ZNF599: variants seen among roughly 807,000 people sequenced by gnomAD.
ZNF599 encodes zinc finger protein 599.
In ZNF599, 10 loss-of-function variants were observed where a neutral mutation model predicts 11.7. That is an observed-to-expected ratio of 0.86 (90% CI 0.53 to 1.45). The LOEUF is 1.45. Ranked by LOEUF, ZNF599 falls within the 40% of genes most tolerant of loss-of-function variation. The pLI, the probability that ZNF599 is intolerant of heterozygous loss-of-function variation, is 0.00. For synonymous variants in ZNF599, 232 were observed against 253.2 expected (o/e 0.92, Z 0.79); for missense variants, 688 against 713.6 (o/e 0.96, Z 0.41).
chr19:34,800,888 C>T, the ZNF599 span, among the ~76,000 whole-genome samples: 101 of 152,162 alleles, frequency 6.6e-4, no homozygotes, highest in African/African-American at 2.2e-3. Context: ...AGACACCATG[C>T]GCCTGGCTTC....
At chr19:34,777,509 T>C (rs185817118), upstream of ZNF599, among the ~76,000 whole-genome samples, 20 of 112,190 alleles carry the variant, frequency 1.8e-4, no homozygotes, top group South Asian at 7.1e-4. Flanking sequence ...ATTAATATAT[T>C]ATATATTAAT....
chr19:34,774,610 G>C (rs1379301731), upstream of ZNF599, among the ~76,000 whole-genome samples: 1 of 152,226 alleles, frequency 6.6e-6, no homozygotes, highest in African/African-American at 2.4e-5. Context: ...AGGATGTGCT[G>C]TCCTCCAGAG....
rs969773795 is a variant in ZNF599, at chr19:34,758,367, G to T, written c.*667C>A. ...ATGTGTACATGTGCACATGTGTTAA[G>T]TATTTCATGACTCAAGCCTTTATAT... On this transcript the variant is annotated 3_prime_UTR_variant, in exon 4 of 4. Transcript: ENST00000329285. 1 of 152,328 alleles carries T rather than the reference G, an allele frequency of 6.6e-6. No individual in the cohort carries two copies. Among genetic ancestry groups the T allele is most frequent in the South Asian group, 2.1e-4 (1 of 4,826 alleles). The allele number at this position is 152,328 out of a possible 1,614,324, so 9.4% of individuals were successfully genotyped here. A position where few individuals can be genotyped will look rare whatever the true frequency, so the allele number is the denominator to read the frequency against.
chr19:34,797,784 A>G, the ZNF599 span, among the ~76,000 whole-genome samples: 1 of 152,248 alleles, frequency 6.6e-6, no homozygotes. Context: ...TTGCAGCAAA[A>G]GCTGATTGCA....
rs768941725 is a variant in ZNF599, at chr19:34,760,423, C to G, written c.378G>C (p.Lys126Asn). 13 of 1,614,000 alleles carry G rather than the reference C, an allele frequency of 8.1e-6. No individual in the cohort carries two copies. Among genetic ancestry groups the G allele is most frequent in the South Asian group, 1.1e-5 (1 of 91,080 alleles). Residue 126 changes from lysine (K) to asparagine (N), a missense_variant, in exon 4 of 4, where the codon AAG (lysine) becomes AAC (asparagine). Coordinates refer to ENST00000329285, the MANE Select transcript of ZNF599 (RefSeq NM_001007248.3). The part of the protein sequence containing the change: ...SRLGQARDEE[K>N]LIKIQEGNLR... ...AGTTCCCTTCCTGAATTTTTATTAG[C>G]TTTTCCTCATCTCTAGCTTGCCCCA...
chr19:34,775,684 A>C (rs1054790322), upstream of ZNF599, among the ~76,000 whole-genome samples: 4 of 152,248 alleles, frequency 2.6e-5, no homozygotes, highest in African/African-American at 7.2e-5. Context: ...TTTAAACAAA[A>C]CAACACTGCT....
At chr19:34,772,543 C>A in intron 1 of ZNF599, 1 of 1,338,316 alleles carries the variant, frequency 7.5e-7, no homozygotes, top group Non-Finnish European at 9.5e-7. Context: ...TACTGAGACT[C>A]GCATTTTAGA....
chr19:34,805,560 G>A, the ZNF599 span, among the ~76,000 whole-genome samples: 1 of 151,770 alleles, frequency 6.6e-6, no homozygotes, highest in Non-Finnish European at 1.5e-5. Flanking sequence ...TTTTAAAAAA[G>A]GTCTGGAATC....
chr19:34,796,515 T>C, the ZNF599 span, among the ~76,000 whole-genome samples: 1 of 152,012 alleles, frequency 6.6e-6, no homozygotes, highest in Admixed American at 6.6e-5. Context: ...TTCACCATGT[T>C]GGCCAGGCTA....
chr19:34,799,203 G>A, the ZNF599 span, among the ~76,000 whole-genome samples: 148 of 152,064 alleles, frequency 9.7e-4, 1 homozygote, highest in South Asian at 1.9e-3. Flanking sequence ...GGGTTTTGCC[G>A]TGTTGCCCAG....
At chr19:34,794,480 G>A in the ZNF599 span, among the ~76,000 whole-genome samples, 9 of 152,184 alleles carry the variant, frequency 5.9e-5, no homozygotes, top group African/African-American at 9.6e-5. Context: ...TTTGATCAGC[G>A]GGGCCTTGTG....
upstream of ZNF599, chr19:34,773,261 G>C (rs373442651): frequency 5.1e-6 from 1 of 196,868 alleles, no homozygotes; most frequent in East Asian, 1.2e-4. Flanking sequence ...TGCGCCTTCC[G>C]TCTATGGCTT....
chr19:34,787,743 C>T, the ZNF599 span, among the ~76,000 whole-genome samples: 1 of 152,196 alleles, frequency 6.6e-6, no homozygotes, highest in Non-Finnish European at 1.5e-5. Context: ...ATCAAGACTT[C>T]AACAGCCCAT....
the ZNF599 span, among the ~76,000 whole-genome samples, chr19:34,804,150 C>T: frequency 2.0e-5 from 3 of 152,206 alleles, no homozygotes; most frequent in Non-Finnish European, 4.4e-5. Flanking sequence ...TACCTCCCCG[C>T]AAACTGCTGC....
chr19:34,792,601 C>T, the ZNF599 span, among the ~76,000 whole-genome samples: 4 of 152,134 alleles, frequency 2.6e-5, no homozygotes, highest in Non-Finnish European at 4.4e-5. Flanking sequence ...CGGTGGCTCA[C>T]GCCTGTAATC....
At chr19:34,799,175 G>A in the ZNF599 span, among the ~76,000 whole-genome samples, 2 of 152,000 alleles carry the variant, frequency 1.3e-5, no homozygotes, top group African/African-American at 2.4e-5. Context: ...CCTAATTTTT[G>A]TATTTTTTGT....
In ZNF599 at chr19:34,761,419, T is replaced by C. The variant is rs543768087; in HGVS notation, c.242-860A>G. 2.0e-5 allele frequency among the ~76,000 whole-genome samples: 3 copies of C among 152,302 alleles called. No individual in the cohort carries two copies. In the South Asian group the frequency reaches 6.2e-4, roughly 32 times the overall value. On this transcript the variant is annotated intron_variant, in intron 3 of 3. Transcript: ENST00000329285. ...AATACAACATCAGATAAAATCTCAA[T>C]AGGGTTTTTCACAGATATTGACAAG...
At chr19:34,792,789 G>T in the ZNF599 span, among the ~76,000 whole-genome samples, 1 of 152,002 alleles carries the variant, frequency 6.6e-6, no homozygotes, top group Non-Finnish European at 1.5e-5. Flanking sequence ...CATGAACCCA[G>T]GAGACGGAGC....
rs998727777 is a variant in ZNF599 at position 34,758,463 on chromosome 19, T to A, written c.*571A>T. ...GAACAATGAATACTTTTACTAAATGTTGGCAGAGCTGCCCTCAATGGTCCA... is the reference window on the plus strand; with the variant it reads ...GAACAATGAATACTTTTACTAAATGATGGCAGAGCTGCCCTCAATGGTCCA... On this transcript the variant is annotated 3_prime_UTR_variant, in exon 4 of 4. Transcript: ENST00000329285. The A allele has an allele frequency of 1.3e-5, 2 of 152,304 alleles. No individual in the cohort carries two copies. The highest frequency in any genetic ancestry group is 2.9e-5 in the Non-Finnish European group (2 of 68,108). The allele number at this position is 152,304 out of a possible 1,614,324, so 9.4% of individuals were successfully genotyped here.
Sources: gnomAD v4.1 joint callset for allele counts (sites outside exome capture counted in the v4.1 genomes callset) on GRCh38, gnomAD v4.1.1 for gene constraint, MANE v1.5 for transcripts, NCBI Gene and HGNC (gene_info 2026-07-23, HGNC 2026-07-21) for gene names.